The following RAB3GAP1 variants were observed in gnomAD, a reference collection of about 807,000 sequenced individuals.
RAB3GAP1 encodes RAB3 GTPase activating protein catalytic subunit 1.
A neutral mutation model predicts 130.7 loss-of-function variants in RAB3GAP1; 86 were observed. That is an observed-to-expected ratio of 0.66 (90% CI 0.55 to 0.79). The LOEUF is 0.79. Ranked by LOEUF, RAB3GAP1 falls within the 30% of genes least tolerant of loss-of-function variation. RAB3GAP1 has a pLI of 0.00. For synonymous variants in RAB3GAP1, 367 were observed against 401.7 expected (o/e 0.91, Z 1.03); for missense variants, 1,029 against 1,169.4 (o/e 0.88, Z 1.75).
intron 23 of RAB3GAP1, 99 bp downstream of exon 23, chr2:135,164,795 C>T: frequency 2.3e-6 from 2 of 879,668 alleles, no homozygotes; most frequent in Non-Finnish European, 3.6e-6. Context: ...ACACTCATGT[C>T]ACCTGAGTGT....
chr2:135,156,277 C>A (rs1240445266), intron 19 of RAB3GAP1, among the ~76,000 whole-genome samples: 1 of 152,056 alleles, frequency 6.6e-6, no homozygotes, highest in Non-Finnish European at 1.5e-5. Flanking sequence ...CATATAGTTC[C>A]AATGCTACAT....
Position 135,117,657 on chromosome 2 carries a change from TCTTCTG to T in RAB3GAP1, c.648+2288_648+2293del, listed in dbSNP as rs1394713768. The stretch of plus-strand genomic sequence containing the variant: ...TTCTGCTTCTTCTTCTGCTTCTGCT[TCTTCTG>T]CTTCTGCTTCTTCTGCTTCTGCTTC... On this transcript the variant is annotated intron_variant, in intron 7 of 23. Transcript: ENST00000264158. Among the ~76,000 whole-genome samples the T allele has an allele frequency of 1.4e-3, 185 of 133,790 alleles. 1 individual carries two copies. The highest frequency in any genetic ancestry group is 5.0e-3 in the African/African-American group (174 of 34,564). The allele number at this position is 133,790 out of a possible 152,430, so 87.8% of individuals were successfully genotyped here.
At chr2:135,151,732 G>A (rs1482709383) in intron 18 of RAB3GAP1, among the ~76,000 whole-genome samples, 5 of 152,210 alleles carry the variant, frequency 3.3e-5, no homozygotes, top group Non-Finnish European at 7.3e-5. Flanking sequence ...AGGTAGAGAA[G>A]GGAATTGGCT....
At chr2:135,060,942 A>G (rs1689152816) in intron 3 of RAB3GAP1, among the ~76,000 whole-genome samples, 1 of 148,310 alleles carries the variant, frequency 6.7e-6, no homozygotes. Flanking sequence ...GGCCTAAAGC[A>G]ATCTGCTTGC....
intron 3 of RAB3GAP1, among the ~76,000 whole-genome samples, chr2:135,084,426 G>A (rs1689919837): frequency 2.0e-5 from 3 of 152,182 alleles, no homozygotes; most frequent in Non-Finnish European, 4.4e-5. Flanking sequence ...GGTATCTATA[G>A]TTTTAGCTCT....
At chr2:135,087,744 T>G (rs1194441105) in intron 3 of RAB3GAP1, among the ~76,000 whole-genome samples, 1 of 152,210 alleles carries the variant, frequency 6.6e-6, no homozygotes, top group Non-Finnish European at 1.5e-5. Context: ...TGTAAACTCA[T>G]CAGTTTTAGT....
At position 135,153,740 on chromosome 2, in the gene RAB3GAP1, A is replaced by G; in HGVS notation, c.2153A>G (p.Asn718Ser). 6 of 1,614,038 alleles carry G rather than the reference A, an allele frequency of 3.7e-6. No homozygotes were observed. Among genetic ancestry groups the G allele is most frequent in the Non-Finnish European group, 5.1e-6 (6 of 1,179,918 alleles). Residue 718 changes from asparagine to serine, a missense_variant, in exon 19 of 24, where the codon AAT becomes AGT. By Grantham distance (46) the Asn-to-Ser change is conservative. Coordinates refer to ENST00000264158, the MANE Select transcript of RAB3GAP1 (RefSeq NM_012233.3). ...GAGGAGGTGATTGATGAAAAGGGCA[A>G]TGTGGTGCTGAAAGGAGAACTGAGT... ...IEEEVIDEKG[N>S]VVLKGELSAR... is the part of the protein sequence containing the mutation.
chr2:135,070,289 G>A (rs920850244), intron 3 of RAB3GAP1, among the ~76,000 whole-genome samples: 2 of 152,182 alleles, frequency 1.3e-5, no homozygotes, highest in African/African-American at 2.4e-5. Flanking sequence ...AAATCCCTCT[G>A]TTATTTTGCC....
At chr2:135,112,830 T>A (rs1378744869) in intron 5 of RAB3GAP1, among the ~76,000 whole-genome samples, 355 of 127,782 alleles carry the variant, frequency 2.8e-3, no homozygotes, top group African/African-American at 9.1e-3. Context: ...TCTCTCTCTC[T>A]CTCTCACACA....
chr2:135,082,587 C>G (rs376091054), intron 3 of RAB3GAP1, among the ~76,000 whole-genome samples: 2 of 151,930 alleles, frequency 1.3e-5, no homozygotes, highest in East Asian at 3.9e-4. Context: ...ATTACAGGTG[C>G]CTGCCACCAC....
intron 17 of RAB3GAP1, among the ~76,000 whole-genome samples, chr2:135,144,062 G>A (rs548477879): frequency 2.3e-4 from 35 of 152,236 alleles, no homozygotes; most frequent in South Asian, 1.9e-3. Context: ...TGGGCCTGCC[G>A]CAGGAGGTGC....
chr2:135,105,174 G>GCTCTCC lies in RAB3GAP1; in HGVS notation c.363-7957_363-7952dup, dbSNP rs146903354. Among the ~76,000 whole-genome samples, 637 of 140,652 alleles carry GCTCTCC rather than the reference G, an allele frequency of 4.5e-3. 11 individuals are homozygous for GCTCTCC. Among genetic ancestry groups the GCTCTCC allele is most frequent in the African/African-American group, 0.018 (602 of 34,008 alleles). 92.3% of individuals were successfully genotyped at this position (140,652 alleles called of 152,430 possible). The stretch of plus-strand genomic sequence containing the variant: ...GAAAGTGGTAGAAAAACAAATGTGA[G>GCTCTCC]CTCTCCCTCTCCCTCTCCCTCTCCC... On this transcript the variant is annotated intron_variant, in intron 5 of 23. Transcript: ENST00000264158.
intron 8 of RAB3GAP1, among the ~76,000 whole-genome samples, chr2:135,122,954 C>A (rs981496483): frequency 6.6e-6 from 1 of 152,116 alleles, no homozygotes; most frequent in Non-Finnish European, 1.5e-5. Flanking sequence ...GTCTCGAACT[C>A]CTGACCTCAG....
Position 135,153,896 on chromosome 2 carries a change from CT to C in RAB3GAP1, c.2289+21del. 1 of 1,599,092 alleles carries C rather than the reference CT, an allele frequency of 6.3e-7. No homozygotes were observed. Among genetic ancestry groups the C allele is most frequent in the Non-Finnish European group, 8.6e-7 (1 of 1,166,926 alleles). On this transcript the variant is annotated intron_variant, in intron 19 of 23. Coordinates refer to ENST00000264158, the MANE Select transcript of RAB3GAP1 (RefSeq NM_012233.3). ...GAAAAGGTAATTGAGGTTTGAGTCT[CT>C]AATACTAGAATGCAAATTACTGTTC... is the stretch of plus-strand genomic sequence containing the variant.
chr2:135,111,196 TGAG>T (rs1433060582), intron 5 of RAB3GAP1, among the ~76,000 whole-genome samples: 1 of 152,086 alleles, frequency 6.6e-6, no homozygotes, highest in Non-Finnish European at 1.5e-5. Context: ...GGGCATTTCT[TGAG>T]GAGGATGTTT....
At position 135,120,847 on chromosome 2, in the gene RAB3GAP1, T is replaced by C. The variant is rs1174739137; in HGVS notation, c.677T>C (p.Val226Ala). The change falls in exon 8 of 24, where the codon GTT becomes GCT. Residue 226 changes from valine to alanine, a missense_variant. Around this residue, in one of 3 missense-constraint regions of RAB3GAP1, gnomAD observed 510 missense variants for 532.1 expected, o/e 0.96. Transcript: ENST00000264158. ...IGCPLTPLPP[V>A]SIAIRFTYVL... is the part of the protein sequence containing the mutation. ...TGTCCTTTAACTCCATTGCCTCCAG[T>C]TAGTATTGCTATTCGATTTACCTAT... The C allele has an allele frequency of 2.5e-6, 4 of 1,612,932 alleles. No homozygotes were observed. In the Admixed American group the frequency reaches 6.7e-5, roughly 27 times the overall value.
At chr2:135,174,967 C>T (rs912275535), downstream of RAB3GAP1, among the ~76,000 whole-genome samples, 1 of 152,212 alleles carries the variant, frequency 6.6e-6, no homozygotes, top group Non-Finnish European at 1.5e-5. Flanking sequence ...GCTGTCTCTG[C>T]ACAGGGCTTT....
Position 135,115,349 on chromosome 2 carries a change from T to C in RAB3GAP1, c.616T>C (p.Ser206Pro). ...AGTGCCAAATCAGTACACTCACTTA[T>C]CAGGTCTGCTGGATATCTTCAAATC... ...RKVPNQYTHL[S>P]GLLDIFKSKI... Residue 206 changes from serine to proline, a missense_variant, in exon 7 of 24, where the codon TCA (serine) becomes CCA (proline). By Grantham distance (74) the Ser-to-Pro change is moderately conservative. Coordinates refer to ENST00000264158, the MANE Select transcript of RAB3GAP1 (RefSeq NM_012233.3). 2 of 1,613,698 alleles carry C rather than the reference T, an allele frequency of 1.2e-6. No individual in the cohort carries two copies. The highest frequency in any genetic ancestry group is 1.7e-6 in the Non-Finnish European group (2 of 1,179,624).
At chr2:135,125,082 A>G (rs913895553) in intron 9 of RAB3GAP1, among the ~76,000 whole-genome samples, 2 of 152,344 alleles carry the variant, frequency 1.3e-5, no homozygotes, top group Non-Finnish European at 2.9e-5. Flanking sequence ...CATAACCTTA[A>G]AAAGAAATTC....
Sources: gnomAD v4.1 joint callset for allele counts (sites outside exome capture counted in the v4.1 genomes callset) on GRCh38, gnomAD v4.1.1 for gene constraint, gnomAD v4.1.1 regional missense constraint, MANE v1.5 for transcripts, NCBI Gene and HGNC (gene_info 2026-07-23, HGNC 2026-07-21) for gene names.